Variants in TRIM24 observed in about 807,000 individuals in gnomAD.
TRIM24 encodes the protein tripartite motif containing 24, also known as transcription intermediary factor 1-alpha.
In TRIM24, 29 loss-of-function variants were observed where a neutral mutation model predicts 123.9. That is an observed-to-expected ratio of 0.23 (90% CI 0.17 to 0.32). The LOEUF (loss-of-function observed/expected upper bound fraction) is 0.32. Among genes scored for constraint, TRIM24 ranks in the 10% least tolerant of loss-of-function variants. TRIM24 has a pLI of 1.00. For missense variants in TRIM24, 932 were observed against 1,295.3 expected, an observed-to-expected ratio of 0.72 and a Z score of 4.31; for synonymous variants, 456 against 461.1, an observed-to-expected ratio of 0.99 and a Z score of 0.14.
In TRIM24 at chr7:138,469,361, C is replaced by T. The variant is rs963406401; in HGVS notation, c.364+8449C>T. 1.2e-3 allele frequency among the ~76,000 whole-genome samples: 172 copies of T among 148,380 alleles called. 2 individuals carry two copies. Among genetic ancestry groups the T allele is most frequent in the Admixed American group, 5.4e-4 (8 of 14,950 alleles). On this transcript the variant is annotated intron_variant, in intron 1 of 18. Transcript: ENST00000343526. ...TTTTTTTTTTTTTGAGACAGTGTCT[C>T]GTGCAGTGGCCATCTTGGCTCACTG...
intron 17 of TRIM24, among the ~76,000 whole-genome samples, chr7:138,583,549 G>A (rs1484528059): frequency 6.6e-6 from 1 of 152,190 alleles, no homozygotes; most frequent in South Asian, 2.1e-4. Context: ...AAGCCCAGGA[G>A]GCAAAGTTTG....
At chr7:138,496,706 G>A (rs1386413793) in intron 1 of TRIM24, among the ~76,000 whole-genome samples, 3 of 151,742 alleles carry the variant, frequency 2.0e-5, no homozygotes, top group Non-Finnish European at 4.4e-5. Context: ...TCACTATGTG[G>A]CCCAGGCTGG....
intron 1 of TRIM24, among the ~76,000 whole-genome samples, chr7:138,480,550 T>C (rs1339511988): frequency 6.6e-6 from 1 of 152,216 alleles, no homozygotes; most frequent in Admixed American, 6.5e-5. Context: ...TTTAAAGCAA[T>C]GAAGCTATTA....
intron 7 of TRIM24, among the ~76,000 whole-genome samples, chr7:138,549,472 G>A (rs1308741742): frequency 6.6e-6 from 1 of 152,132 alleles, no homozygotes; most frequent in East Asian, 1.9e-4. Flanking sequence ...ATTCTCAGTG[G>A]CTCCAAAAGA....
intron 10 of TRIM24, among the ~76,000 whole-genome samples, chr7:138,568,578 G>A (rs1181951770): frequency 1.3e-5 from 2 of 151,326 alleles, no homozygotes; most frequent in Non-Finnish European, 2.9e-5. Flanking sequence ...GTAGAGACAG[G>A]GTTTCACCAT....
chr7:138,536,590 G>A (rs2116603449), intron 6 of TRIM24, among the ~76,000 whole-genome samples: 1 of 152,340 alleles, frequency 6.6e-6, no homozygotes, highest in African/African-American at 2.4e-5. Context: ...TTGTCCCAGA[G>A]GGGTACCCGG....
chr7:138,478,533 G>C (rs1056332727), intron 1 of TRIM24, among the ~76,000 whole-genome samples: 1 of 152,126 alleles, frequency 6.6e-6, no homozygotes, highest in Non-Finnish European at 1.5e-5. Flanking sequence ...CTAGAGTGCA[G>C]TAGTGCAAAC....
At chr7:138,486,376 A>G (rs1409879350) in intron 1 of TRIM24, among the ~76,000 whole-genome samples, 1 of 152,102 alleles carries the variant, frequency 6.6e-6, no homozygotes, top group Non-Finnish European at 1.5e-5. Context: ...TTTTGTTGCC[A>G]TTGCTTTTGG....
rs1317884814 is a variant in TRIM24 at position 138,588,559 on chromosome 7, G to GTGA, written c.*3610_*3611insATG. The GTGA allele has an allele frequency of 2.0e-5, 3 of 152,226 alleles. No homozygotes were observed. The highest frequency in any genetic ancestry group is 6.6e-5 in the Admixed American group (1 of 15,234). The allele number at this position is 152,226 out of a possible 1,614,324, so 9.4% of individuals were successfully genotyped here. On this transcript the variant is annotated 3_prime_UTR_variant, in exon 19 of 19. Coordinates refer to ENST00000343526, the MANE Select transcript of TRIM24 (RefSeq NM_015905.3). ...TACTAAAAATACCAAAATCACCAGGGTGTGGTGGCCCATGCCTGTAATCCT... is the reference window on the plus strand; with the variant it reads ...TACTAAAAATACCAAAATCACCAGGGTGATGTGGTGGCCCATGCCTGTAATCCT...
intron 8 of TRIM24, among the ~76,000 whole-genome samples, chr7:138,552,179 T>C (rs1797225827): frequency 6.6e-6 from 1 of 152,200 alleles, no homozygotes; most frequent in African/African-American, 2.4e-5. Flanking sequence ...AGCTATGCCA[T>C]ATAACCTAGG....
intron 1 of TRIM24, among the ~76,000 whole-genome samples, chr7:138,463,045 T>TG (rs1267636094): frequency 3.1e-4 from 15 of 48,580 alleles, no homozygotes; most frequent in Non-Finnish European, 5.3e-4. Flanking sequence ...AATTTTGTGT[T>TG]TTTTTTTTTT....
intron 7 of TRIM24, among the ~76,000 whole-genome samples, chr7:138,540,569 T>A (rs1796982607): frequency 6.6e-6 from 1 of 152,210 alleles, no homozygotes; most frequent in Non-Finnish European, 1.5e-5. Context: ...AGGCTCTACT[T>A]ATTATTCCAG....
At chr7:138,574,133 T>G (rs999695486) in intron 12 of TRIM24, among the ~76,000 whole-genome samples, 9 of 152,184 alleles carry the variant, frequency 5.9e-5, no homozygotes, top group African/African-American at 1.9e-4. Context: ...AGGGGGAAAT[T>G]GGTGTTATAT....
At chr7:138,513,258 T>C (rs192066195) in intron 2 of TRIM24, among the ~76,000 whole-genome samples, 17 of 152,310 alleles carry the variant, frequency 1.1e-4, no homozygotes, top group Admixed American at 8.5e-4. Context: ...CTTCCTGCCT[T>C]CTTGTGTGCC....
At chr7:138,583,670 AGT>A (rs769293740) in intron 17 of TRIM24, among the ~76,000 whole-genome samples, 178 bp from the exon 18 acceptor site, 1 of 152,206 alleles carries the variant, frequency 6.6e-6, no homozygotes, top group African/African-American at 2.4e-5. Flanking sequence ...AACCTTTACC[AGT>A]GTGTGTGGAA....
intron 1 of TRIM24, among the ~76,000 whole-genome samples, chr7:138,474,716 C>T (rs540282285): frequency 2.6e-5 from 4 of 152,266 alleles, no homozygotes; most frequent in East Asian, 1.9e-4. Context: ...ACTGTCCTTT[C>T]TCCACTGCAT....
intron 16 of TRIM24, 129 bp downstream of exon 16, chr7:138,580,823 TTACAAAGG>T (rs766438624): frequency 5.8e-6 from 5 of 867,118 alleles, no homozygotes; most frequent in Non-Finnish European, 8.0e-6. Context: ...TTTTTTTTGT[TTACAAAGG>T]TACATGAATC....
Position 138,515,310 on chromosome 7 carries a change from A to G in TRIM24, c.582A>G (p.Val194=), listed in dbSNP as rs972680936. The G allele has an allele frequency of 8.7e-6, 14 of 1,613,950 alleles. No individual in the cohort carries two copies. The East Asian group carries it at 1.3e-4, about 15-fold the overall frequency. The stretch of plus-strand genomic sequence containing the variant: ...CGTGTATCAGAGCTCATCAGAGGGT[A>G]AAGTTCACAAAAGACCACACTGTCA... ...CKTCIRAHQR[V]KFTKDHTVRQ... Residue 194 remains valine (V), a synonymous_variant, in exon 3 of 19, where the codon GTA becomes GTG. Transcript: ENST00000343526.
chr7:138,483,717 C>T (rs531771485), intron 1 of TRIM24, among the ~76,000 whole-genome samples: 12 of 152,284 alleles, frequency 7.9e-5, no homozygotes, highest in African/African-American at 2.6e-4. Context: ...ATGATGGTTG[C>T]ACTTGGGACG....
Sources: gnomAD v4.1 joint callset for allele counts (sites outside exome capture counted in the v4.1 genomes callset) on GRCh38, gnomAD v4.1.1 for gene constraint, MANE v1.5 for transcripts, NCBI Gene and HGNC (gene_info 2026-07-23, HGNC 2026-07-21) for gene names.